EPB41L1: variants seen among roughly 807,000 people sequenced by gnomAD.
EPB41L1 encodes band 4.1-like protein 1.
In EPB41L1, 29 loss-of-function variants were observed where a neutral mutation model predicts 97.8. That is an observed-to-expected ratio of 0.30 (90% CI 0.22 to 0.40). EPB41L1 has a LOEUF of 0.40. Ranked by LOEUF, EPB41L1 falls within the 10% of genes least tolerant of loss-of-function variation. EPB41L1 has a pLI of 1.00. For synonymous variants in EPB41L1, 383 were observed against 459.2 expected, an observed-to-expected ratio of 0.83 and a Z score of 2.12; for missense variants, 812 against 1,162.3, an observed-to-expected ratio of 0.70 and a Z score of 4.38.
intron 2 of EPB41L1, among the ~76,000 whole-genome samples, chr20:36,147,086 T>G (rs2059867784): frequency 6.6e-6 from 1 of 152,000 alleles, no homozygotes; most frequent in Non-Finnish European, 1.5e-5. Flanking sequence ...AAGTTGAGGC[T>G]GCAGTGAACC....
Position 36,190,128 on chromosome 20 carries a change from A to AT in EPB41L1, c.1027-147dup. ...GAATTCAAGGTTACAGTGAGCTATG[A>AT]TTGCGCCACTGTACTCCACCCTGGG... On this transcript the variant is annotated intron_variant, in intron 9 of 21. Transcript: ENST00000338074. This position sits in a 1 kb window ranked among gnomAD's most constrained non-coding sequence, Gnocchi z 5.8. 3.0e-6 allele frequency: 2 copies of AT among 668,986 alleles called. No individual in the cohort carries two copies. Among genetic ancestry groups the AT allele is most frequent in the East Asian group, 5.7e-5 (2 of 35,330 alleles). 41.4% of individuals were successfully genotyped at this position (668,986 alleles called of 1,614,324 possible). A position where few individuals can be genotyped will look rare whatever the true frequency, so the allele number is the denominator to read the frequency against.
At position 36,139,079 on chromosome 20, in the gene EPB41L1, C is replaced by A. The variant is rs180927240; in HGVS notation, c.-10+26599C>A. ...AGTGACTGACAGGCTCTTATTCAGC[C>A]TCTTGTGGTGATTGCCTTGTGGATC... On this transcript the variant is annotated intron_variant, in intron 2 of 19. Coordinates refer to the EPB41L1 transcript ENST00000202028. 3.5e-4 allele frequency among the ~76,000 whole-genome samples: 53 copies of A among 152,328 alleles called. 1 individual carries two copies. In the East Asian group the frequency reaches 8.1e-3, roughly 23 times the overall value.
chr20:36,119,635 CGGAGGGGAGAGGAGGGGAGG>C (rs1267502236), intron 2 of EPB41L1, among the ~76,000 whole-genome samples: 8 of 58,800 alleles, frequency 1.4e-4, no homozygotes, highest in African/African-American at 5.4e-4. Flanking sequence ...GGAAGGGAAG[CGGAGGGGAGAGGAGGGGAGG>C]GGAGGGGAGA....
intron 2 of EPB41L1, among the ~76,000 whole-genome samples, chr20:36,119,900 C>T (rs147281693): frequency 1.2e-4 from 18 of 152,230 alleles, no homozygotes; most frequent in African/African-American, 4.1e-4. Context: ...ACTCTCCCTG[C>T]CCGCCCTCCT....
chr20:36,092,200 C>G lies in EPB41L1; in HGVS notation c.-65+588C>G, dbSNP rs2057680345. Among the ~76,000 whole-genome samples, 1 of 152,162 alleles carries G rather than the reference C, an allele frequency of 6.6e-6. No individual in the cohort carries two copies. The highest frequency in any genetic ancestry group is 6.5e-5 in the Admixed American group (1 of 15,284). ...CCTGGCTGGAGGTAGACGAGGTCGG[C>G]GAGCTGGGCGCGGGGCCGCGGGGTT... is the stretch of plus-strand genomic sequence containing the variant. On this transcript the variant is annotated intron_variant, in intron 1 of 19. Transcript: ENST00000202028. The surrounding 1 kb of genome is among the most constrained non-coding windows in gnomAD (Gnocchi z 7.0).
At chr20:36,103,999 G>A (rs769720137) in intron 1 of EPB41L1, among the ~76,000 whole-genome samples, 4 of 152,074 alleles carry the variant, frequency 2.6e-5, no homozygotes, top group Non-Finnish European at 4.4e-5. Context: ...CCACCGCCCC[G>A]GCATTATTAC....
intron 3 of EPB41L1, among the ~76,000 whole-genome samples, chr20:36,176,640 T>C (rs1357675691): frequency 6.7e-6 from 1 of 150,036 alleles, no homozygotes; most frequent in Admixed American, 6.6e-5. Flanking sequence ...CTTTTTTTTT[T>C]TTTTTTGTTG....
chr20:36,115,091 T>C (rs1356470601), intron 2 of EPB41L1, among the ~76,000 whole-genome samples: 4 of 152,236 alleles, frequency 2.6e-5, no homozygotes, highest in Non-Finnish European at 5.9e-5. Context: ...AGGCATGTTC[T>C]ATTGTTTTAT....
At chr20:36,109,799 A>C (rs2058327268) in intron 1 of EPB41L1, 2 of 152,342 alleles carry the variant, frequency 1.3e-5, no homozygotes, top group Middle Eastern at 6.8e-3. Flanking sequence ...AATGCAGGAC[A>C]TTCTGCCCCT....
chr20:36,184,051 G>A (rs1263267611), intron 6 of EPB41L1, among the ~76,000 whole-genome samples: 6 of 152,050 alleles, frequency 3.9e-5, no homozygotes, highest in East Asian at 1.9e-4. Context: ...TCTGGGCAAC[G>A]TGGCGAAACC....
chr20:36,125,581 C>T, intron 2 of EPB41L1: 1 of 1,530,482 alleles, frequency 6.5e-7, no homozygotes, highest in Non-Finnish European at 8.7e-7. Flanking sequence ...TAGATTGAAC[C>T]ACAAGTGCAC....
At chr20:36,181,433 T>G (rs1268469984) in intron 5 of EPB41L1, among the ~76,000 whole-genome samples, 1 of 152,238 alleles carries the variant, frequency 6.6e-6, no homozygotes, top group African/African-American at 2.4e-5. Flanking sequence ...GCCATTGGTT[T>G]TTCACATCTA....
chr20:36,211,419 A>G (rs2063125892), intron 15 of EPB41L1, among the ~76,000 whole-genome samples: 1 of 152,012 alleles, frequency 6.6e-6, no homozygotes. Context: ...CTATACTCAG[A>G]GGTCATAGTC....
At chr20:36,145,327 T>C (rs1381291704) in intron 2 of EPB41L1, among the ~76,000 whole-genome samples, 2 of 150,684 alleles carry the variant, frequency 1.3e-5, no homozygotes, top group Non-Finnish European at 3.0e-5. Flanking sequence ...GAGGTGAAGG[T>C]TGCAGTGAGC....
At chr20:36,115,520 G>T (rs2058556756) in intron 2 of EPB41L1, among the ~76,000 whole-genome samples, 2 of 152,202 alleles carry the variant, frequency 1.3e-5, no homozygotes, top group Non-Finnish European at 2.9e-5. Flanking sequence ...TGCCTGAAAG[G>T]TCATCATCAC....
At chr20:36,203,305 G>A (rs1326680662) in intron 14 of EPB41L1, among the ~76,000 whole-genome samples, 1 of 152,190 alleles carries the variant, frequency 6.6e-6, no homozygotes, top group South Asian at 2.1e-4. Flanking sequence ...CTGGGATACC[G>A]TTTCGCCTTC....
chr20:36,222,226 C>T, intron 20 of EPB41L1, 52 bp from the exon 21 acceptor site: 2 of 1,497,740 alleles, frequency 1.3e-6, no homozygotes, highest in Non-Finnish European at 1.9e-6. Context: ...TTCACAGTCT[C>T]TCTCGTCTTG....
intron 1 of EPB41L1, among the ~76,000 whole-genome samples, chr20:36,094,148 G>T (rs2057756136): frequency 6.6e-6 from 1 of 152,232 alleles, no homozygotes; most frequent in East Asian, 1.9e-4. Context: ...ACATTTGGGT[G>T]TATAGTGAAC....
At position 36,195,584 on chromosome 20, in the gene EPB41L1, C is replaced by G. The variant is rs775624169; in HGVS notation, c.1485+220C>G. Among the ~76,000 whole-genome samples, 2 of 152,198 alleles carry G rather than the reference C, an allele frequency of 1.3e-5. No individual in the cohort carries two copies. The highest frequency in any genetic ancestry group is 2.9e-5 in the Non-Finnish European group (2 of 68,038). On this transcript the variant is annotated intron_variant, in intron 13 of 21. Transcript: ENST00000338074. This position sits in a 1 kb window ranked among gnomAD's most constrained non-coding sequence, Gnocchi z 4.6. ...CCCTTCTTAGACTCTCCTGGCCAAT[C>G]GGCCATCTCTCCCTCCTCCCTCAGC...
Sources: allele counts gnomAD v4.1 joint callset (sites outside exome capture counted in the v4.1 genomes callset), GRCh38; gene constraint gnomAD v4.1.1; non-coding constraint Gnocchi (gnomAD v3.1); transcripts MANE v1.5; gene names NCBI Gene and HGNC (gene_info 2026-07-23, HGNC 2026-07-21).